PKHD1: variants seen among roughly 807,000 people sequenced by gnomAD.
The protein encoded by PKHD1 is fibrocystin.
Under a neutral mutation model 412.0 loss-of-function variants are expected in PKHD1, and 291 were observed. The ratio of observed to expected loss-of-function variants is 0.71; its 90% CI spans 0.64 to 0.78. The LOEUF is 0.78. Among genes scored for constraint, PKHD1 ranks in the 30% least tolerant of loss-of-function variants. PKHD1 has a pLI of 0.00. For synonymous variants in PKHD1, 1,777 were observed against 1,821.5 expected (o/e 0.98, Z 0.62); for missense variants, 4,825 against 4,950.7 (o/e 0.97, Z 0.76).
chr6:51,731,282 T>C (rs1276807949), intron 60 of PKHD1, among the ~76,000 whole-genome samples: 1 of 152,150 alleles, frequency 6.6e-6, no homozygotes, highest in African/African-American at 2.4e-5. Context: ...AGCCAGTTTA[T>C]TATTATGGCA....
At position 51,659,447 on chromosome 6, in the gene PKHD1, G is replaced by A; in HGVS notation, c.10679C>T (p.Ser3560Phe). ...CATCACAGTGAGGGCCAAGTGAATG[G>A]AAACACCTGAGCGTATTTCAATGGG... ...EEPIEIRSGV[S>F]IHLALTVMVS... Residue 3560 changes from serine to phenylalanine, a missense_variant, in exon 61 of 67, where the codon TCC (serine) becomes TTC (phenylalanine). By Grantham distance (155) the Ser-to-Phe change is radical. Coordinates refer to ENST00000371117, the MANE Select transcript of PKHD1 (RefSeq NM_138694.4). 3 of 1,613,696 alleles carry A rather than the reference G, an allele frequency of 1.9e-6. No individual in the cohort carries two copies. The highest frequency in any genetic ancestry group is 2.5e-6 in the Non-Finnish European group (3 of 1,179,864).
At chr6:52,006,677 GA>G (rs764966289) in intron 35 of PKHD1, among the ~76,000 whole-genome samples, 6 of 152,168 alleles carry the variant, frequency 3.9e-5, no homozygotes, top group African/African-American at 1.4e-4. Flanking sequence ...ACACCTGGCT[GA>G]AAAATATATT....
At chr6:52,007,695 C>A (rs532330285) in intron 35 of PKHD1, among the ~76,000 whole-genome samples, 1 of 152,190 alleles carries the variant, frequency 6.6e-6, no homozygotes, top group Non-Finnish European at 1.5e-5. Context: ...AGCCCTCCAC[C>A]TATAGACTTC....
At position 51,906,294 on chromosome 6, in the gene PKHD1, G is replaced by A. The variant is rs1157673875; in HGVS notation, c.6729C>T (p.Gly2243=). 6.2e-7 allele frequency: 1 copy of A among 1,608,318 alleles called. No individual in the cohort carries two copies. The highest frequency in any genetic ancestry group is 1.3e-5 in the African/African-American group (1 of 74,762). Residue 2243 remains glycine, a synonymous_variant, in exon 41 of 67, where the codon GGC becomes GGT. Coordinates refer to ENST00000371117, the MANE Select transcript of PKHD1 (RefSeq NM_138694.4). ...GCTVRNSFSR[G]LSMCGTLGLK... The stretch of plus-strand genomic sequence containing the variant: ...GGCCCAAGGTCCCGCACATGCTGAG[G>A]CCTCTACTGAAGGAGTTCCTCACTG...
chr6:51,666,197 A>G (rs1418934469), intron 60 of PKHD1, among the ~76,000 whole-genome samples: 2 of 152,186 alleles, frequency 1.3e-5, no homozygotes, highest in Admixed American at 1.3e-4. Flanking sequence ...ATATCAATTC[A>G]AAATTTGGAG....
At chr6:52,019,387 T>G (rs1387274336) in intron 33 of PKHD1, among the ~76,000 whole-genome samples, 1 of 152,198 alleles carries the variant, frequency 6.6e-6, no homozygotes, top group East Asian at 1.9e-4. Flanking sequence ...ACCTGGCACC[T>G]AGGAGGTTGG....
intron 53 of PKHD1, among the ~76,000 whole-genome samples, chr6:51,779,272 C>A (rs761035524): frequency 5.9e-5 from 9 of 152,100 alleles, no homozygotes; most frequent in Non-Finnish European, 5.9e-5. Context: ...CCCCAAGCAA[C>A]CATATACTCC....
At chr6:51,902,197 T>A (rs1486309585) in intron 43 of PKHD1, among the ~76,000 whole-genome samples, 1 of 152,212 alleles carries the variant, frequency 6.6e-6, no homozygotes. Context: ...AAAACATGGT[T>A]TCTTAAGCCC....
chr6:51,750,483 G>A (rs1002116968), intron 57 of PKHD1, among the ~76,000 whole-genome samples: 3 of 152,130 alleles, frequency 2.0e-5, no homozygotes, highest in Non-Finnish European at 4.4e-5. Context: ...TCTTATAAAT[G>A]ATATTACAAG....
chr6:51,660,093 C>G (rs1772596658), intron 60 of PKHD1, 124 bp from the exon 61 acceptor site: 4 of 651,562 alleles, frequency 6.1e-6, no homozygotes, highest in Non-Finnish European at 1.0e-5. Context: ...TCTAATTGTG[C>G]CAGATACTGA....
At chr6:51,770,598 C>T (rs6909882) in intron 55 of PKHD1, among the ~76,000 whole-genome samples, 27,853 of 150,824 alleles carry the variant, frequency 0.18, 3,366 homozygotes, top group African/African-American at 0.34. Context: ...TTAAATATAC[C>T]TTTTTTGTTG....
rs186829193 is a variant in PKHD1 at position 51,898,922 on chromosome 6, T to C, written c.6996+4675A>G. On this transcript the variant is annotated intron_variant, in intron 43 of 66. Transcript: ENST00000371117. ...AATAAACTAGAAAATTTAGAAGAAA[T>C]GGATAAATTCCTGAACACATACACT... 7.9e-5 allele frequency among the ~76,000 whole-genome samples: 12 copies of C among 152,182 alleles called. No individual in the cohort carries two copies. In the East Asian group the frequency reaches 1.2e-3, roughly 15 times the overall value.
At position 52,025,324 on chromosome 6, in the gene PKHD1, TG is replaced by T. The variant is rs1325403863; in HGVS notation, c.4485del (p.Ser1496ValfsTer4). On this transcript the variant is annotated frameshift_variant, in exon 32 of 67. Transcript: ENST00000371117. LOFTEE classifies it high-confidence loss of function. ...ATCAGCACAGTGGTCAGAGACCCAC[TG>T]GTGTTTGTGGACAAGGCATCCATGA... ...SPVMDALSTNTSGSLTTVLIR... is the reference protein window; with the variant it reads ...SPVMDALSTNXSGSLTTVLIR... 11 of 1,613,944 alleles carry T rather than the reference TG, an allele frequency of 6.8e-6. No individual in the cohort carries two copies. Among genetic ancestry groups the T allele is most frequent in the Non-Finnish European group, 9.3e-6 (11 of 1,180,008 alleles).
intron 55 of PKHD1, among the ~76,000 whole-genome samples, chr6:51,758,502 T>C (rs904036274): frequency 1.8e-4 from 28 of 152,308 alleles, no homozygotes; most frequent in African/African-American, 5.8e-4. Flanking sequence ...AAATCCCAGC[T>C]GTATTCTCTG....
At chr6:51,697,711 T>G (rs545333227) in intron 60 of PKHD1, among the ~76,000 whole-genome samples, 1 of 152,230 alleles carries the variant, frequency 6.6e-6, no homozygotes, top group Non-Finnish European at 1.5e-5. Flanking sequence ...ACCCTGTTCT[T>G]AGGTTTCTTA....
chr6:51,708,245 T>C (rs886962474), intron 60 of PKHD1, among the ~76,000 whole-genome samples: 1 of 152,116 alleles, frequency 6.6e-6, no homozygotes, highest in African/African-American at 2.4e-5. Context: ...TTTCCTCATC[T>C]CTTACCTCTA....
intron 28 of PKHD1, among the ~76,000 whole-genome samples, chr6:52,034,633 T>C (rs1272809000): frequency 6.6e-6 from 1 of 152,128 alleles, no homozygotes; most frequent in Non-Finnish European, 1.5e-5. Context: ...ATCAAAAGCT[T>C]TAGAATTTAT....
intron 37 of PKHD1, among the ~76,000 whole-genome samples, chr6:51,928,168 G>C (rs1354885990): frequency 6.6e-6 from 1 of 152,158 alleles, no homozygotes; most frequent in African/African-American, 2.4e-5. Flanking sequence ...CATCCCAAGT[G>C]CCTCAAGTTG....
At chr6:51,840,014 T>G (rs1035235248) in intron 50 of PKHD1, among the ~76,000 whole-genome samples, 1 of 152,028 alleles carries the variant, frequency 6.6e-6, no homozygotes, top group Non-Finnish European at 1.5e-5. Context: ...GTTGGCTCTC[T>G]CTGCATTTTT....
Sources: gnomAD v4.1 joint callset for allele counts (sites outside exome capture counted in the v4.1 genomes callset) on GRCh38, gnomAD v4.1.1 for gene constraint, MANE v1.5 for transcripts, NCBI Gene and HGNC (gene_info 2026-07-23, HGNC 2026-07-21) for gene names.